COCH: variants seen among roughly 807,000 people sequenced by gnomAD.
COCH encodes the protein cochlin, also known as coagulation factor C homolog, cochlin (Limulus polyphemus).
Under a neutral mutation model 54.8 loss-of-function variants are expected in COCH, and 40 were observed. The ratio of observed to expected loss-of-function variants is 0.73; its 90% CI spans 0.57 to 0.95. The LOEUF is 0.95. COCH is among the 40% of genes least tolerant of loss of function. The pLI, the probability that COCH is intolerant of heterozygous loss-of-function variation, is 0.00. For missense variants in COCH, 605 were observed against 675.0 expected, an observed-to-expected ratio of 0.90 and a Z score of 1.15; for synonymous variants, 256 against 237.9, an observed-to-expected ratio of 1.08 and a Z score of -0.70.
At chr14:30,886,997 C>T (rs944390024) in intron 11 of COCH, among the ~76,000 whole-genome samples, 1 of 152,216 alleles carries the variant, frequency 6.6e-6, no homozygotes, top group Non-Finnish European at 1.5e-5. Flanking sequence ...GCTGGGATTA[C>T]AGGCATAAGC....
rs1348795124 is a variant in COCH, at chr14:30,874,901, C to T, written c.-23-15C>T. 1 of 1,612,816 alleles carries T rather than the reference C, an allele frequency of 6.2e-7. No homozygotes were observed. Among genetic ancestry groups the T allele is most frequent in the Non-Finnish European group, 8.5e-7 (1 of 1,179,326 alleles). On this transcript the variant is annotated splice_polypyrimidine_tract_variant and intron_variant, in intron 1 of 11. Transcript: ENST00000396618. ...CCCGCACCCTGGCCTTGCCCGCATT[C>T]TCCCTCTCTCCCAGGTGTGAGCAGC...
At chr14:30,887,185 G>A (rs1895818473) in intron 11 of COCH, among the ~76,000 whole-genome samples, 1 of 152,092 alleles carries the variant, frequency 6.6e-6, no homozygotes, top group Non-Finnish European at 1.5e-5. Flanking sequence ...CCTGAGGTCA[G>A]GAGTTCAAGA....
chr14:30,875,600 T>TG, intron 3 of COCH: 1 of 388,620 alleles, frequency 2.6e-6, no homozygotes, highest in South Asian at 7.1e-5. Context: ...GTGTAACCCC[T>TG]ATAATCAGAA....
downstream of COCH, chr14:30,890,644 T>A: frequency 1.1e-6 from 1 of 878,082 alleles, no homozygotes; most frequent in Non-Finnish European, 1.4e-6. Context: ...TTACTGCTAG[T>A]GTCTCCCCTG....
downstream of COCH, among the ~76,000 whole-genome samples, chr14:30,893,295 C>A (rs1235017089): frequency 1.3e-5 from 2 of 151,964 alleles, no homozygotes; most frequent in East Asian, 1.9e-4. Flanking sequence ...CATAGGCACC[C>A]GCCACCACGC....
intron 3 of COCH, chr14:30,875,436 T>C: frequency 3.4e-6 from 2 of 589,984 alleles, no homozygotes; most frequent in East Asian, 2.8e-5. Flanking sequence ...GAGGACTCCT[T>C]GAGCCTCACC....
intron 3 of COCH, chr14:30,875,455 C>A (rs1477714607): frequency 1.7e-6 from 1 of 583,146 alleles, no homozygotes; most frequent in African/African-American, 1.9e-5. Flanking sequence ...CCGAGGAGCG[C>A]ACCAGTCCTG....
chr14:30,876,415 G>T (rs1001186634), intron 3 of COCH: 1 of 152,190 alleles, frequency 6.6e-6, no homozygotes, highest in African/African-American at 2.4e-5. Context: ...TCACTGGACA[G>T]ATCTGGAGCA....
chr14:30,894,183 A>C (rs1276991720), downstream of COCH: 1 of 152,492 alleles, frequency 6.6e-6, no homozygotes, highest in Non-Finnish European at 1.5e-5. Flanking sequence ...AGATTTCTGT[A>C]TCCTGATTCA....
At chr14:30,881,631 G>A (rs1008318967) in intron 8 of COCH, among the ~76,000 whole-genome samples, 5 of 152,258 alleles carry the variant, frequency 3.3e-5, no homozygotes, top group African/African-American at 1.2e-4. Context: ...GTGATCTGAA[G>A]CACGACCTTT....
Position 30,885,913 on chromosome 14 carries a change from A to G in COCH, c.1078A>G (p.Lys360Glu). 1.2e-6 allele frequency: 2 copies of G among 1,614,238 alleles called. No individual in the cohort carries two copies. The highest frequency in any genetic ancestry group is 2.2e-5 in the South Asian group (2 of 91,088). Residue 360 changes from lysine (K) to glutamate (E), a missense_variant, in exon 11 of 12, where the codon AAG becomes GAG. By Grantham distance (56) the Lys-to-Glu change is moderately conservative. Coordinates refer to ENST00000396618, the MANE Select transcript of COCH (RefSeq NM_004086.3). The stretch of plus-strand genomic sequence containing the variant: ...CACTCATGAACAAATGATGTGCAGC[A>G]AGACCTGTTATAACTCAGTGAACAT... Reference protein sequence around the residue: ...LCTHEQMMCSKTCYNSVNIAF... With the variant: ...LCTHEQMMCSETCYNSVNIAF...
At chr14:30,880,365 T>C in intron 6 of COCH, 87 bp from the exon 7 acceptor site, 1 of 1,574,942 alleles carries the variant, frequency 6.3e-7, no homozygotes, top group Non-Finnish European at 8.6e-7. Context: ...AGAATGGCAC[T>C]CTGTTGTTAT....
intron 4 of COCH, among the ~76,000 whole-genome samples, chr14:30,878,237 G>A (rs999057583): frequency 6.6e-6 from 1 of 152,162 alleles, no homozygotes; most frequent in Non-Finnish European, 1.5e-5. Context: ...AAAATTGTTT[G>A]GTGCTCTGAA....
intron 6 of COCH, among the ~76,000 whole-genome samples, chr14:30,879,811 T>G (rs1594374898): frequency 6.6e-6 from 1 of 151,892 alleles, no homozygotes; most frequent in Admixed American, 6.6e-5. Flanking sequence ...ACCCAGCCAA[T>G]TTTTTTGATT....
chr14:30,877,839 G>T lies in COCH; in HGVS notation c.239+111G>T. 1 of 1,541,758 alleles carries T rather than the reference G, an allele frequency of 6.5e-7. No homozygotes were observed. Among genetic ancestry groups the T allele is most frequent in the Non-Finnish European group, 8.8e-7 (1 of 1,136,226 alleles). ...CTGCATTCTTTCTTTTGTTGCCATT[G>T]TGGCCACAGAAAATGGATATATTTT... On this transcript the variant is annotated intron_variant, in intron 4 of 11. Transcript: ENST00000396618. The surrounding 1 kb of genome is among the most constrained non-coding windows in gnomAD (Gnocchi z 8.6).
rs772936872 is a variant in COCH, at chr14:30,877,552, A to G, written c.83-20A>G. The G allele has an allele frequency of 5.0e-6, 8 of 1,613,528 alleles. No individual in the cohort carries two copies. In the South Asian group the frequency reaches 8.8e-5, roughly 18 times the overall value. On this transcript the variant is annotated intron_variant, in intron 3 of 11. Coordinates refer to ENST00000396618, the MANE Select transcript of COCH (RefSeq NM_004086.3). This position sits in a 1 kb window ranked among gnomAD's most constrained non-coding sequence, Gnocchi z 8.6. Reference sequence around the variant, plus strand: ...AAGAAGTCCTAAGAATGCTTACAATATTATCTCCTTTTTCTTCAGCTCCCA... The same window carrying G: ...AAGAAGTCCTAAGAATGCTTACAATGTTATCTCCTTTTTCTTCAGCTCCCA...
chr14:30,886,172 CTGGTG>C lies in COCH; in HGVS notation c.1338_1342del (p.Gly447CysfsTer7). On this transcript the variant is annotated frameshift_variant, in exon 11 of 12. Coordinates refer to ENST00000396618, the MANE Select transcript of COCH (RefSeq NM_004086.3). LOFTEE classifies it high-confidence loss of function. ...CGCTATATGAGTGGTGGAACAGCTACTGGTGATGCCATTTCCTTCACTGTTAGAAA... is the reference window on the plus strand; with the variant it reads ...CGCTATATGAGTGGTGGAACAGCTACATGCCATTTCCTTCACTGTTAGAAA... 1 of 1,610,490 alleles carries C rather than the reference CTGGTG, an allele frequency of 6.2e-7. No homozygotes were observed. The highest frequency in any genetic ancestry group is 8.5e-7 in the Non-Finnish European group (1 of 1,177,218).
chr14:30,884,286 TATG>T (rs1374531191), intron 8 of COCH, among the ~76,000 whole-genome samples: 3 of 152,212 alleles, frequency 2.0e-5, no homozygotes, highest in African/African-American at 4.8e-5. Context: ...CTTATAGAGC[TATG>T]ATGAAATGAG....
chr14:30,882,514 A>C (rs1374512785), intron 8 of COCH, among the ~76,000 whole-genome samples: 1 of 137,066 alleles, frequency 7.3e-6, no homozygotes, highest in Non-Finnish European at 1.6e-5. Flanking sequence ...TGTTTTTTTC[A>C]TCCTTTAGTA....
Sources: gnomAD v4.1 joint callset for allele counts (sites outside exome capture counted in the v4.1 genomes callset) on GRCh38, gnomAD v4.1.1 for gene constraint, Gnocchi (gnomAD v3.1) non-coding constraint, MANE v1.5 for transcripts, NCBI Gene and HGNC (gene_info 2026-07-23, HGNC 2026-07-21) for gene names.